Variants in NCSTN observed in about 807,000 individuals in gnomAD.
NCSTN encodes nicastrin.
Under a neutral mutation model 87.0 loss-of-function variants are expected in NCSTN, and 22 were observed. The observed-to-expected ratio is 0.25, with a 90% confidence interval of 0.18 to 0.36. The LOEUF is 0.36. Among genes scored for constraint, NCSTN ranks in the 10% least tolerant of loss-of-function variants. The probability of loss-of-function intolerance (pLI) is 1.00; values close to 1 mark genes in which losing one functional copy is unlikely to be tolerated. For synonymous variants in NCSTN, 306 were observed against 327.1 expected (o/e 0.94, Z 0.69); for missense variants, 693 against 883.3 (o/e 0.78, Z 2.73).
chr1:160,346,980 G>A (rs1648529416), intron 2 of NCSTN, among the ~76,000 whole-genome samples: 2 of 152,240 alleles, frequency 1.3e-5, no homozygotes, highest in Admixed American at 1.3e-4. Context: ...CAGACTGCTG[G>A]TCTTGCTGGA....
chr1:160,343,612 T>G, intron 1 of NCSTN, 131 bp downstream of exon 1: 3 of 921,426 alleles, frequency 3.3e-6, no homozygotes, highest in Non-Finnish European at 5.2e-6. Flanking sequence ...CCTCTTTCTT[T>G]TTCGTTCCCA....
intron 16 of NCSTN, 72 bp from the exon 17 acceptor site, chr1:160,358,077 A>G (rs1649224742): frequency 1.9e-6 from 3 of 1,610,316 alleles, no homozygotes; most frequent in Non-Finnish European, 2.5e-6. Context: ...CCAAACCCCA[A>G]ACAGTTATCC....
chr1:160,356,705 C>A lies in NCSTN; in HGVS notation c.1745C>A (p.Thr582Asn). 1 of 1,614,208 alleles carries A rather than the reference C, an allele frequency of 6.2e-7. No individual in the cohort carries two copies. The highest frequency in any genetic ancestry group is 1.1e-5 in the South Asian group (1 of 91,088). ...ANLTGTVVNL[T>N]REQCQDPSKV... ...TTGACTGGCACAGTGGTCAACCTCACCCGAGAGCAGTGCCAGGATCCAAGT... is the reference window on the plus strand; with the variant it reads ...TTGACTGGCACAGTGGTCAACCTCAACCGAGAGCAGTGCCAGGATCCAAGT... Residue 582 changes from threonine to asparagine, a missense_variant, in exon 15 of 17, where the codon ACC becomes AAC. Thr to Asn is a moderately conservative substitution (Grantham distance 65, BLOSUM62 0). This residue lies in a region of NCSTN where 216 missense variants were observed against 311.7 expected (regional missense o/e 0.69). Coordinates refer to ENST00000294785, the MANE Select transcript of NCSTN (RefSeq NM_015331.3).
In NCSTN at chr1:160,350,336, C is replaced by T. The variant is rs1019543646; in HGVS notation, c.582+86C>T. 5 of 1,512,822 alleles carry T rather than the reference C, an allele frequency of 3.3e-6. No individual in the cohort carries two copies. In the African/African-American group the frequency reaches 6.9e-5, roughly 21 times the overall value. 93.7% of individuals were successfully genotyped at this position (1,512,822 alleles called of 1,614,324 possible). A position where few individuals can be genotyped will look rare whatever the true frequency, so the allele number is the denominator to read the frequency against. On this transcript the variant is annotated intron_variant, in intron 5 of 16. Transcript: ENST00000294785. ...GTGTGGTGGTGTGTGCACGTAGTCC[C>T]AGCCACCCGGGAGGCTGAGACAGGA...
chr1:160,357,413 CT>C (rs3831925), intron 16 of NCSTN, among the ~76,000 whole-genome samples, 160 bp downstream of exon 16: 37,046 of 151,954 alleles, frequency 0.24, 5,533 homozygotes, highest in Non-Finnish European at 0.33. Context: ...CTTAGGAGGC[CT>C]TTTTTTTGAG....
In NCSTN at chr1:160,356,299, A is replaced by G; in HGVS notation, c.1591A>G (p.Asn531Asp). 6.2e-7 allele frequency: 1 copy of G among 1,614,002 alleles called. No individual in the cohort carries two copies. The highest frequency in any genetic ancestry group is 8.5e-7 in the Non-Finnish European group (1 of 1,179,820). ...CTATGGGTTCCTGATTAAAGCCAAC[A>G]ACTCATGGTTCCAGTCTATCCTCAG... ...LLYGFLIKAN[N>D]SWFQSILRQD... Residue 531 changes from asparagine to aspartate, a missense_variant, in exon 14 of 17, where the codon AAC becomes GAC. Asn to Asp is a conservative substitution (Grantham distance 23). Transcript: ENST00000294785.
Position 160,349,600 on chromosome 1 carries a change from A to C in NCSTN, c.366A>C (p.Ala122=). The change falls in exon 4 of 17, where the codon GCA becomes GCC. Residue 122 remains alanine, a synonymous_variant. Coordinates refer to ENST00000294785, the MANE Select transcript of NCSTN (RefSeq NM_015331.3). ...KGRTSRIAGL[A]VSLTKPSPAS... is the part of the protein sequence containing the mutation. ...GAACCAGCCGAATTGCTGGTCTTGCAGTGTCCTTGACCAAGCCCAGTCCTG... is the reference window on the plus strand; with the variant it reads ...GAACCAGCCGAATTGCTGGTCTTGCCGTGTCCTTGACCAAGCCCAGTCCTG... 1 of 1,614,140 alleles carries C rather than the reference A, an allele frequency of 6.2e-7. No homozygotes were observed. Among genetic ancestry groups the C allele is most frequent in the South Asian group, 1.1e-5 (1 of 91,080 alleles).
chr1:160,349,179 C>G, intron 3 of NCSTN, 57 bp downstream of exon 3: 2 of 1,606,796 alleles, frequency 1.2e-6, no homozygotes, highest in South Asian at 1.1e-5. Flanking sequence ...TTTCAGTGAA[C>G]AGTCCTCACA....
chr1:160,352,058 A>G lies in NCSTN; in HGVS notation c.848A>G (p.Asp283Gly). The stretch of plus-strand genomic sequence containing the variant: ...CTTTTCTTCTGTTGTACCTAGCTGG[A>G]TAGTCGTTCCTTTTTCTGGAATGTG... ...DRVVVAATRLDSRSFFWNVAP... is the reference protein window; with the variant it reads ...DRVVVAATRLGSRSFFWNVAP... The change falls in exon 8 of 17, where the codon GAT (aspartate) becomes GGT (glycine). Residue 283 changes from aspartate to glycine, a missense_variant. By Grantham distance (94) the Asp-to-Gly change is moderately conservative. This residue lies in a region of NCSTN where 134 missense variants were observed against 226.0 expected (regional missense o/e 0.59). Coordinates refer to ENST00000294785, the MANE Select transcript of NCSTN (RefSeq NM_015331.3). The G allele has an allele frequency of 6.2e-7, 1 of 1,614,154 alleles. No homozygotes were observed. The highest frequency in any genetic ancestry group is 8.5e-7 in the Non-Finnish European group (1 of 1,180,006).
chr1:160,343,920 C>G, intron 1 of NCSTN: 1 of 295,036 alleles, frequency 3.4e-6, no homozygotes, highest in South Asian at 2.8e-5. Flanking sequence ...CTGTTGATTA[C>G]ATCCTAAGTC....
rs539226938 is a variant in NCSTN, at chr1:160,344,728, G to T, written c.92G>T (p.Cys31Phe). 6.2e-7 allele frequency: 1 copy of T among 1,613,954 alleles called. No individual in the cohort carries two copies. Among genetic ancestry groups the T allele is most frequent in the South Asian group, 1.1e-5 (1 of 91,058 alleles). The change falls in exon 2 of 17, where the codon TGC becomes TTC. Residue 31 changes from cysteine to phenylalanine, a missense_variant. Cys to Phe is a radical substitution (Grantham distance 205). Around this residue, in one of 4 missense-constraint regions of NCSTN, gnomAD observed 235 missense variants for 233.9 expected, o/e 1.00. Coordinates refer to ENST00000294785, the MANE Select transcript of NCSTN (RefSeq NM_015331.3). ...CTTTTTATCTTCCGATCAGGTTTGT[G>T]CAGGGGAAACTCAGTGGAGAGGAAG... ...LSFCVLLAGL[C>F]RGNSVERKIY...
In NCSTN at chr1:160,358,591, C is replaced by T. The variant is rs200879464; in HGVS notation, c.*320C>T. 6 of 393,964 alleles carry T rather than the reference C, an allele frequency of 1.5e-5. No homozygotes were observed. The highest frequency in any genetic ancestry group is 2.9e-5 in the Non-Finnish European group (6 of 207,006). The allele number at this position is 393,964 out of a possible 1,614,324, so 24.4% of individuals were successfully genotyped here. ...CCCTAATTTGCCCTTCAGGACCCTT[C>T]TACTTTTTCCTTCCTGCCCTGTACC... On this transcript the variant is annotated 3_prime_UTR_variant, in exon 17 of 17. Coordinates refer to ENST00000294785, the MANE Select transcript of NCSTN (RefSeq NM_015331.3).
Position 160,351,275 on chromosome 1 carries a change from A to G in NCSTN, c.636A>G (p.Leu212=), listed in dbSNP as rs12239747. The G allele has an allele frequency of 0.063, 100,969 of 1,613,942 alleles. 4,435 individuals carry two copies. Among genetic ancestry groups the G allele is most frequent in the African/African-American group, 0.23 (17,344 of 74,948 alleles). ...ATGGCTCAGCACCAACCTTCCCACT[A>G]TGTGCCATGCAGCTCTTTTCACACA... ...SQNGSAPTFP[L]CAMQLFSHMH... Residue 212 remains leucine (L), a synonymous_variant, in exon 6 of 17, where the codon CTA becomes CTG. Transcript: ENST00000294785.
At chr1:160,356,141 C>A in intron 13 of NCSTN, 119 bp from the exon 14 acceptor site, 1 of 1,063,338 alleles carries the variant, frequency 9.4e-7, no homozygotes, top group Non-Finnish European at 1.4e-6. Flanking sequence ...TACTGTCTCC[C>A]AACTCCAGTC....
chr1:160,356,067 G>A (rs963540816), intron 13 of NCSTN, 109 bp downstream of exon 13: 9 of 1,153,892 alleles, frequency 7.8e-6, no homozygotes, highest in East Asian at 2.5e-5. Context: ...TGTTGATGCC[G>A]GTGAGAATGC....
chr1:160,347,793 A>G (rs1195783917), intron 2 of NCSTN, among the ~76,000 whole-genome samples: 1 of 152,234 alleles, frequency 6.6e-6, no homozygotes, highest in Non-Finnish European at 1.5e-5. Flanking sequence ...TATTTTTAGT[A>G]GAGATGGGGT....
chr1:160,348,932 A>G, intron 2 of NCSTN, 67 bp from the exon 3 acceptor site: 2 of 1,607,208 alleles, frequency 1.2e-6, no homozygotes, highest in Non-Finnish European at 1.7e-6. Context: ...AGATACGCAG[A>G]ATCAGTGAGG....
chr1:160,352,664 C>G (rs888272707), intron 8 of NCSTN, among the ~76,000 whole-genome samples: 3 of 152,206 alleles, frequency 2.0e-5, no homozygotes, highest in African/African-American at 7.2e-5. Context: ...AGGCTACTTT[C>G]CCCATTTCTG....
intron 11 of NCSTN, among the ~76,000 whole-genome samples, chr1:160,355,146 C>T (rs16831863): frequency 0.018 from 2,711 of 152,262 alleles, 74 homozygotes; most frequent in African/African-American, 0.062. Flanking sequence ...AGCTCAGCCT[C>T]TCTTTTAAGA....
Sources: allele counts gnomAD v4.1 joint callset (sites outside exome capture counted in the v4.1 genomes callset), GRCh38; gene constraint gnomAD v4.1.1; regional missense constraint gnomAD v4.1.1; transcripts MANE v1.5; gene names NCBI Gene and HGNC (gene_info 2026-07-23, HGNC 2026-07-21).